EXPH5: variants seen among roughly 807,000 people sequenced by gnomAD.
The protein encoded by EXPH5 is exophilin 5.
A neutral mutation model predicts 41.1 loss-of-function variants in EXPH5; 42 were observed. The ratio of observed to expected loss-of-function variants is 1.02; its 90% CI spans 0.80 to 1.32. EXPH5 has a LOEUF of 1.32. Among genes scored for constraint, EXPH5 ranks in the 40% most tolerant of loss-of-function variants. EXPH5 has a pLI of 0.00. For missense variants in EXPH5, 2,298 were observed against 2,314.5 expected, an observed-to-expected ratio of 0.99 and a Z score of 0.15; for synonymous variants, 798 against 833.5, an observed-to-expected ratio of 0.96 and a Z score of 0.73.
the EXPH5 span, among the ~76,000 whole-genome samples, chr11:108,606,875 A>AT: frequency 6.6e-6 from 1 of 151,996 alleles, no homozygotes; most frequent in Admixed American, 6.6e-5. Context: ...CCACTTACAG[A>AT]TTTTTTTAAA....
In EXPH5 at chr11:108,572,810, C is replaced by T. The variant is rs140712853; in HGVS notation, c.119+20608G>A. Among the ~76,000 whole-genome samples, 37 of 152,202 alleles carry T rather than the reference C, an allele frequency of 2.4e-4. 1 individual carries two copies. Among genetic ancestry groups the T allele is most frequent in the Admixed American group, 1.9e-3 (29 of 15,284 alleles). ...CTGACCTTAGGTGATCCACTCGTCT[C>T]GGCCTCCTAAAGTGCTGGGATGACA... On this transcript the variant is annotated intron_variant, in intron 1 of 5. Transcript: ENST00000265843.
At chr11:108,582,903 A>G (rs2094102921) in intron 1 of EXPH5, among the ~76,000 whole-genome samples, 1 of 152,196 alleles carries the variant, frequency 6.6e-6, no homozygotes. Flanking sequence ...CATCATTAAT[A>G]TTAGAATAGG....
chr11:108,566,027 A>G (rs888997028), intron 1 of EXPH5, among the ~76,000 whole-genome samples: 1 of 152,252 alleles, frequency 6.6e-6, no homozygotes, highest in Admixed American at 6.5e-5. Flanking sequence ...TAAGGATGAT[A>G]TGAAGACACT....
At chr11:108,577,333 T>C (rs934569600) in intron 1 of EXPH5, among the ~76,000 whole-genome samples, 1 of 152,220 alleles carries the variant, frequency 6.6e-6, no homozygotes, top group Non-Finnish European at 1.5e-5. Flanking sequence ...TTATCCATAG[T>C]GGCTGTACTA....
chr11:108,589,110 T>C (rs1317801465), intron 1 of EXPH5, among the ~76,000 whole-genome samples: 1 of 152,214 alleles, frequency 6.6e-6, no homozygotes, highest in Admixed American at 6.5e-5. Context: ...AAGGGCGAGC[T>C]ACAGTTCATC....
chr11:108,546,283 T>C lies in EXPH5; in HGVS notation c.120-4471A>G, dbSNP rs563154122. Among the ~76,000 whole-genome samples, 12 of 152,152 alleles carry C rather than the reference T, an allele frequency of 7.9e-5. No individual in the cohort carries two copies. The South Asian group carries it at 2.3e-3, about 29-fold the overall frequency. On this transcript the variant is annotated intron_variant, in intron 1 of 5. Coordinates refer to ENST00000265843, the MANE Select transcript of EXPH5 (RefSeq NM_015065.3). ...GATGGCTCAGCAGGGATAAGACCCG[T>C]TGGATTTGCATTTTAGAAGATCATC...
intron 3 of EXPH5, 118 bp from the exon 4 acceptor site, chr11:108,528,302 C>A (rs1300587539): frequency 3.0e-6 from 2 of 672,192 alleles, no homozygotes; most frequent in South Asian, 1.9e-5. Flanking sequence ...ATTTCTAATT[C>A]ACTGTAGAAA....
At chr11:108,515,534 C>T (rs571262334) in intron 5 of EXPH5, among the ~76,000 whole-genome samples, 6 of 150,116 alleles carry the variant, frequency 4.0e-5, no homozygotes, top group African/African-American at 1.5e-4. Flanking sequence ...ATTAACACTC[C>T]TATAAAACAG....
the EXPH5 span, among the ~76,000 whole-genome samples, chr11:108,600,747 T>A: frequency 1.3e-5 from 2 of 152,258 alleles, no homozygotes; most frequent in Non-Finnish European, 2.9e-5. Context: ...GGGGCGCACT[T>A]CAAATAATAC....
chr11:108,590,645 AT>A (rs1182491435), intron 1 of EXPH5, among the ~76,000 whole-genome samples: 2 of 152,042 alleles, frequency 1.3e-5, no homozygotes, highest in East Asian at 1.9e-4. Flanking sequence ...TTAAAAAAAA[AT>A]GATTTTATTT....
At chr11:108,595,807 G>A (rs2094138123), upstream of EXPH5, among the ~76,000 whole-genome samples, 1 of 152,202 alleles carries the variant, frequency 6.6e-6, no homozygotes, top group Non-Finnish European at 1.5e-5. Context: ...TGAAAGGTAG[G>A]CTGAGCTCTG....
chr11:108,591,229 A>G (rs1468098863), intron 1 of EXPH5, among the ~76,000 whole-genome samples: 1 of 152,240 alleles, frequency 6.6e-6, no homozygotes, highest in Non-Finnish European at 1.5e-5. Flanking sequence ...CTCTTGAGTT[A>G]TAAGTCATGT....
chr11:108,535,160 A>G (rs1426049358), intron 3 of EXPH5, among the ~76,000 whole-genome samples: 1 of 152,228 alleles, frequency 6.6e-6, no homozygotes, highest in Non-Finnish European at 1.5e-5. Context: ...AATTTGAATG[A>G]GCACCCAAAT....
At chr11:108,602,009 A>G in the EXPH5 span, among the ~76,000 whole-genome samples, 1 of 152,186 alleles carries the variant, frequency 6.6e-6, no homozygotes, top group African/African-American at 2.4e-5. Flanking sequence ...TCAGCCTCCC[A>G]AAATACTGTG....
chr11:108,575,069 T>C (rs537499312), intron 1 of EXPH5, among the ~76,000 whole-genome samples: 3 of 152,378 alleles, frequency 2.0e-5, no homozygotes, highest in Admixed American at 2.0e-4. Context: ...AGAAGCTTTC[T>C]GGATACAGAT....
chr11:108,545,135 T>G (rs1026434793), intron 1 of EXPH5, among the ~76,000 whole-genome samples: 1 of 152,178 alleles, frequency 6.6e-6, no homozygotes, highest in Non-Finnish European at 1.5e-5. Flanking sequence ...ATATCCAGGC[T>G]GGGCATGGTG....
chr11:108,550,307 G>C (rs1047345906), intron 1 of EXPH5, among the ~76,000 whole-genome samples: 1 of 152,166 alleles, frequency 6.6e-6, no homozygotes, highest in African/African-American at 2.4e-5. Context: ...GCCTGGCAGA[G>C]AGCCATTGCC....
chr11:108,529,322 A>T (rs2093821441), intron 3 of EXPH5, among the ~76,000 whole-genome samples: 1 of 152,066 alleles, frequency 6.6e-6, no homozygotes, highest in Admixed American at 6.5e-5. Context: ...CAGAATTGAG[A>T]TAAATTTTAA....
At chr11:108,517,034 C>T (rs542556879) in intron 5 of EXPH5, among the ~76,000 whole-genome samples, 1 of 152,228 alleles carries the variant, frequency 6.6e-6, no homozygotes, top group Admixed American at 6.5e-5. Flanking sequence ...TGGTTGACTA[C>T]AAGAGCAGAA....
Sources: allele counts gnomAD v4.1 joint callset (sites outside exome capture counted in the v4.1 genomes callset), GRCh38; gene constraint gnomAD v4.1.1; transcripts MANE v1.5; gene names NCBI Gene and HGNC (gene_info 2026-07-23, HGNC 2026-07-21).